CDK12: variants seen among roughly 807,000 people sequenced by gnomAD.
CDK12 encodes cyclin-dependent kinase 12.
Under a neutral mutation model 133.8 loss-of-function variants are expected in CDK12, and 17 were observed. The ratio of observed to expected loss-of-function variants is 0.13; its 90% CI spans 0.09 to 0.19. CDK12 has a LOEUF of 0.19. Among genes scored for constraint, CDK12 ranks in the 10% least tolerant of loss-of-function variants. The pLI is 1.00. For synonymous variants in CDK12, 694 were observed against 683.6 expected, an observed-to-expected ratio of 1.02 and a Z score of -0.24; for missense variants, 1,508 against 1,818.7, an observed-to-expected ratio of 0.83 and a Z score of 3.11.
intron 7 of CDK12, 121 bp from the exon 8 acceptor site, chr17:39,511,408 C>T (rs1294081788): frequency 3.2e-6 from 2 of 619,522 alleles, no homozygotes; most frequent in Non-Finnish European, 2.9e-6. Context: ...TTAGGTTGCT[C>T]TGGATTTGTT....
chr17:39,515,864 C>T (rs2053769153), intron 9 of CDK12, 56 bp downstream of exon 9: 1 of 1,084,944 alleles, frequency 9.2e-7, no homozygotes, highest in Admixed American at 2.1e-5. Context: ...TCTCATCCTC[C>T]AGTTTCTAAC....
Position 39,482,909 on chromosome 17 carries a change from ATTTTT to A in CDK12, c.1932-7631_1932-7627del, listed in dbSNP as rs56026321. ...GAGCCACTATGCCTGCCTCAACTAA[ATTTTT>A]TTTTTTTTTTTTTTTTGAAACGGAG... On this transcript the variant is annotated intron_variant, in intron 2 of 13. Transcript: ENST00000447079. Among the ~76,000 whole-genome samples the A allele has an allele frequency of 6.9e-4, 96 of 138,794 alleles. 2 individuals are homozygous for A. The highest frequency in any genetic ancestry group is 2.7e-3 in the South Asian group (12 of 4,442). The allele number at this position is 138,794 out of a possible 152,430, so 91.1% of individuals were successfully genotyped here.
At chr17:39,564,007 A>C (rs914425018) in intron 3 of CDK12, among the ~76,000 whole-genome samples, 1 of 152,138 alleles carries the variant, frequency 6.6e-6, no homozygotes, top group Admixed American at 6.5e-5. Context: ...GGGCACAAAA[A>C]ACCCTGTCCT....
chr17:39,493,785 A>G (rs1036043526), intron 4 of CDK12, among the ~76,000 whole-genome samples: 1 of 152,040 alleles, frequency 6.6e-6, no homozygotes, highest in Admixed American at 6.6e-5. Flanking sequence ...TCACGAGGTC[A>G]GGAGATTGAG....
intron 1 of CDK12, among the ~76,000 whole-genome samples, chr17:39,468,621 A>G (rs548010096): frequency 6.6e-6 from 1 of 151,658 alleles, no homozygotes; most frequent in East Asian, 2.0e-4. Flanking sequence ...GATTACAGGC[A>G]TGCATCACCA....
chr17:39,478,029 T>A (rs2050355622), intron 2 of CDK12, among the ~76,000 whole-genome samples: 2 of 138,888 alleles, frequency 1.4e-5, no homozygotes, highest in South Asian at 2.2e-4. Context: ...TTAAACATGA[T>A]TTTTTTTTTT....
intron 5 of CDK12, among the ~76,000 whole-genome samples, chr17:39,498,762 C>T (rs2052341591): frequency 6.6e-6 from 1 of 151,934 alleles, no homozygotes; most frequent in Non-Finnish European, 1.5e-5. Context: ...AAAGCTCAGG[C>T]AATCCTCTCA....
chr17:39,562,575 G>C (rs1009902476), intron 3 of CDK12, among the ~76,000 whole-genome samples: 2 of 151,998 alleles, frequency 1.3e-5, no homozygotes, highest in Admixed American at 6.6e-5. Context: ...CTCTCTCTCA[G>C]CAAGTTTTTT....
chr17:39,542,511 T>C (rs1394960363), intron 1 of CDK12, among the ~76,000 whole-genome samples: 2 of 145,952 alleles, frequency 1.4e-5, no homozygotes, highest in African/African-American at 5.1e-5. Flanking sequence ...TTTTTCTTTT[T>C]CTTTTCTTTT....
At chr17:39,500,595 T>A (rs922620732) in intron 5 of CDK12, among the ~76,000 whole-genome samples, 2 of 151,770 alleles carry the variant, frequency 1.3e-5, no homozygotes, top group African/African-American at 4.8e-5. Context: ...ATAGTGCCAC[T>A]GCACTCCAGT....
Position 39,461,627 on chromosome 17 carries a change from G to T in CDK12, c.-445G>T. ...AGGGGGCGTGAGGCACCTAGGCCGC[G>T]GCACCCCGGCGACAGGAAGCCGTCC... On this transcript the variant is annotated 5_prime_UTR_variant, in exon 1 of 14. Transcript: ENST00000447079. 3.7e-6 allele frequency: 1 copy of T among 269,522 alleles called. No individual in the cohort carries two copies. Among genetic ancestry groups the T allele is most frequent in the Non-Finnish European group, 7.2e-6 (1 of 138,510 alleles). The allele number at this position is 269,522 out of a possible 1,614,324, so 16.7% of individuals were successfully genotyped here.
chr17:39,518,708 G>A (rs1048637425), intron 10 of CDK12, among the ~76,000 whole-genome samples: 1 of 151,694 alleles, frequency 6.6e-6, no homozygotes, highest in Non-Finnish European at 1.5e-5. Flanking sequence ...ACAGGCACCC[G>A]CCACCATGCA....
rs571117185 is a variant in CDK12 at position 39,475,590 on chromosome 17, C to T, written c.1931+3827C>T. ...TGAGACGGTGTCTCACACTGTTGTC[C>T]GGGCTGGAGTGCAGTGGCGATCTTG... On this transcript the variant is annotated intron_variant, in intron 2 of 13. Transcript: ENST00000447079. 1.1e-4 allele frequency among the ~76,000 whole-genome samples: 17 copies of T among 150,162 alleles called. 1 individual carries two copies. The highest frequency in any genetic ancestry group is 6.8e-3 in the Middle Eastern group (2 of 292).
chr17:39,528,334 TTTTG>T (rs1230508893), intron 13 of CDK12, among the ~76,000 whole-genome samples: 3 of 152,140 alleles, frequency 2.0e-5, no homozygotes, highest in East Asian at 3.9e-4. Flanking sequence ...TAATAAGTTT[TTTTG>T]TTTGTTTGTT....
chr17:39,496,742 A>G (rs2052147727), intron 5 of CDK12, among the ~76,000 whole-genome samples: 1 of 151,990 alleles, frequency 6.6e-6, no homozygotes, highest in Non-Finnish European at 1.5e-5. Flanking sequence ...TGCCTTGAGT[A>G]TCTTTCTGCA....
At chr17:39,525,391 C>CA (rs1347304372) in intron 12 of CDK12, among the ~76,000 whole-genome samples, 5 of 152,128 alleles carry the variant, frequency 3.3e-5, no homozygotes, top group Non-Finnish European at 7.4e-5. Flanking sequence ...TTCTTCGGGA[C>CA]AAAAGATACT....
At chr17:39,510,114 CTTTTTTTTTTTT>C (rs762953806) in intron 7 of CDK12, among the ~76,000 whole-genome samples, 10 of 125,480 alleles carry the variant, frequency 8.0e-5, no homozygotes, top group East Asian at 2.2e-4. Context: ...CAATCTCTCT[CTTTTTTTTTTTT>C]TTTTTTTTTT....
chr17:39,511,532 C>T lies in CDK12; in HGVS notation c.2670C>T (p.Arg890=), dbSNP rs1173890921. 4 of 1,601,848 alleles carry T rather than the reference C, an allele frequency of 2.5e-6. No homozygotes were observed. Among genetic ancestry groups the T allele is most frequent in the Middle Eastern group, 1.7e-4 (1 of 6,016 alleles). The change falls in exon 8 of 14, where the codon CGC becomes CGT. Residue 890 remains arginine (R), a synonymous_variant. Transcript: ENST00000447079. ...ATGGTTGTTTTTTATATTTCAGTCG[C>T]CCTTACACAAACAAAGTCATTACTT... is the stretch of plus-strand genomic sequence containing the variant. ...LARLYNSEES[R]PYTNKVITLW...
intron 3 of CDK12, among the ~76,000 whole-genome samples, chr17:39,492,054 T>A (rs1268528367): frequency 1.3e-5 from 2 of 149,202 alleles, no homozygotes; most frequent in Non-Finnish European, 1.5e-5. Context: ...AGTGAAATCA[T>A]CATAAAAGAA....
Sources: gnomAD v4.1 joint callset for allele counts (sites outside exome capture counted in the v4.1 genomes callset) on GRCh38, gnomAD v4.1.1 for gene constraint, MANE v1.5 for transcripts, NCBI Gene and HGNC (gene_info 2026-07-23, HGNC 2026-07-21) for gene names.